Variants in LPCAT1 observed in about 807,000 individuals in gnomAD.
LPCAT1 encodes the protein 1-acylglycerol-3-phosphate O-acyltransferase.
LPCAT1 carries 23 observed loss-of-function variants against 60.9 expected under a neutral mutation model. The ratio of observed to expected loss-of-function variants is 0.38; its 90% confidence interval spans 0.27 to 0.53. LPCAT1 has a LOEUF of 0.53. Among genes scored for constraint, LPCAT1 ranks in the 20% least tolerant of loss-of-function variants. The probability of loss-of-function intolerance (pLI) is 0.82; values close to 1 mark genes in which losing one functional copy is unlikely to be tolerated. For missense variants in LPCAT1, 622 were observed against 723.6 expected (o/e 0.86, Z 1.61); for synonymous variants, 340 against 301.1 (o/e 1.13, Z -1.34).
Position 1,495,332 on chromosome 5 carries a change from G to GC in LPCAT1, c.279-419_279-418insG, listed in dbSNP as rs202145838. Among the ~76,000 whole-genome samples, 10 of 35,514 alleles carry GC rather than the reference G, an allele frequency of 2.8e-4. No homozygotes were observed. The highest frequency in any genetic ancestry group is 8.3e-4 in the African/African-American group (6 of 7,204). The allele number at this position is 35,514 out of a possible 152,430, so 23.3% of individuals were successfully genotyped here. A position where few individuals can be genotyped will look rare whatever the true frequency, so the allele number is the denominator to read the frequency against. ...CACCTAAAACGCATATCGCAATATG[G>GC]GGGGGGGGGCGCTCAGAGCTGAGGG... On this transcript the variant is annotated intron_variant, in intron 2 of 13. Coordinates refer to ENST00000283415, the MANE Select transcript of LPCAT1 (RefSeq NM_024830.5). This position sits in a 1 kb window ranked among gnomAD's most constrained non-coding sequence, Gnocchi z 4.7.
chr5:1,472,790 G>A (rs1474973228), intron 11 of LPCAT1, among the ~76,000 whole-genome samples: 3 of 152,026 alleles, frequency 2.0e-5, no homozygotes, highest in Admixed American at 1.3e-4. Context: ...GAGGGCCCGC[G>A]GCTGGGGGCC....
At chr5:1,492,132 A>C (rs563517191) in intron 3 of LPCAT1, among the ~76,000 whole-genome samples, 8 of 140,202 alleles carry the variant, frequency 5.7e-5, no homozygotes, top group Admixed American at 2.8e-4. Flanking sequence ...AGGGGAGATT[A>C]TCTCTGAGCT....
rs1381211032 is a variant in LPCAT1, at chr5:1,461,570, G to A, written c.*2081C>T. The A allele has an allele frequency of 2.0e-5, 3 of 152,692 alleles. No individual in the cohort carries two copies. The highest frequency in any genetic ancestry group is 4.4e-5 in the Non-Finnish European group (3 of 68,072). The allele number at this position is 152,692 out of a possible 1,614,324, so 9.5% of individuals were successfully genotyped here. A position where few individuals can be genotyped will look rare whatever the true frequency, so the allele number is the denominator to read the frequency against. ...ACCTGCCCACGGGTCTGGCCCCCAG[G>A]CCACCAGGGGCCCGCTGCGTCCTGT... On this transcript the variant is annotated 3_prime_UTR_variant, in exon 14 of 14. Transcript: ENST00000283415.
intron 4 of LPCAT1, among the ~76,000 whole-genome samples, chr5:1,489,290 G>A (rs1430179758): frequency 1.3e-5 from 2 of 152,254 alleles, no homozygotes; most frequent in Non-Finnish European, 2.9e-5. Flanking sequence ...CAGCTGGAAA[G>A]AAGAAAAACA....
chr5:1,466,688 C>T (rs1483104787), intron 13 of LPCAT1, 61 bp downstream of exon 13: 2 of 1,536,054 alleles, frequency 1.3e-6, no homozygotes, highest in Non-Finnish European at 1.8e-6. Context: ...GAGACTCGCC[C>T]CACACTCTGT....
chr5:1,462,540 C>A lies in LPCAT1; in HGVS notation c.*1111G>T, dbSNP rs1734143116. The A allele has an allele frequency of 6.6e-6, 1 of 152,426 alleles. No individual in the cohort carries two copies. The highest frequency in any genetic ancestry group is 6.6e-5 in the Admixed American group (1 of 15,262). The allele number at this position is 152,426 out of a possible 1,614,324, so 9.4% of individuals were successfully genotyped here. A position where few individuals can be genotyped will look rare whatever the true frequency, so the allele number is the denominator to read the frequency against. The stretch of plus-strand genomic sequence containing the variant: ...CTCATCACCCTCCGCACCGCACAGC[C>A]CAGCGTCTCCTTCCACAAGCAAAAG... On this transcript the variant is annotated 3_prime_UTR_variant, in exon 14 of 14. Coordinates refer to ENST00000283415, the MANE Select transcript of LPCAT1 (RefSeq NM_024830.5).
Position 1,461,547 on chromosome 5 carries a change from C to G in LPCAT1, c.*2104G>C, listed in dbSNP as rs1734091803. 1 of 152,694 alleles carries G rather than the reference C, an allele frequency of 6.5e-6. No individual in the cohort carries two copies. The highest frequency in any genetic ancestry group is 2.1e-4 in the South Asian group (1 of 4,834). 9.5% of individuals were successfully genotyped at this position (152,694 alleles called of 1,614,324 possible). A position where few individuals can be genotyped will look rare whatever the true frequency, so the allele number is the denominator to read the frequency against. ...CCGCAGGCCAGGGCCCATGCCCCAC[C>G]TGCCCACGGGTCTGGCCCCCAGGCC... On this transcript the variant is annotated 3_prime_UTR_variant, in exon 14 of 14. Coordinates refer to ENST00000283415, the MANE Select transcript of LPCAT1 (RefSeq NM_024830.5).
In LPCAT1 at chr5:1,522,463, C is replaced by G. The variant is rs139257713; in HGVS notation, c.135+1247G>C. The stretch of plus-strand genomic sequence containing the variant: ...TCCCGACACACAGGGAGACGGGGGC[C>G]AGGGCCTGGGAGCCAGGCTGGGGAC... On this transcript the variant is annotated intron_variant, in intron 1 of 13. Transcript: ENST00000283415. This position sits in a 1 kb window ranked among gnomAD's most constrained non-coding sequence, Gnocchi z 6.8. Among the ~76,000 whole-genome samples, 11 of 152,218 alleles carry G rather than the reference C, an allele frequency of 7.2e-5. No homozygotes were observed. In the East Asian group the frequency reaches 1.9e-3, roughly 27 times the overall value.
intron 1 of LPCAT1, among the ~76,000 whole-genome samples, chr5:1,504,025 C>T (rs745977953): frequency 5.3e-5 from 8 of 152,318 alleles, no homozygotes; most frequent in Non-Finnish European, 1.0e-4. Context: ...TCTGTTGTGA[C>T]CTAATCATAT....
intron 1 of LPCAT1, among the ~76,000 whole-genome samples, chr5:1,515,959 C>T (rs1384433722): frequency 1.3e-5 from 2 of 152,252 alleles, no homozygotes; most frequent in Admixed American, 1.3e-4. Flanking sequence ...CTGACCCCTG[C>T]TCAGCCAGTG....
At position 1,523,248 on chromosome 5, in the gene LPCAT1, C is replaced by T. The variant is rs1736728234; in HGVS notation, c.135+462G>A. ...GCCCGCGGGCCGCGTCCAGGCAAAGCCGCTCCGGAGTCCCCGGGCTGCGCG... is the reference window on the plus strand; with the variant it reads ...GCCCGCGGGCCGCGTCCAGGCAAAGTCGCTCCGGAGTCCCCGGGCTGCGCG... On this transcript the variant is annotated intron_variant, in intron 1 of 13. Coordinates refer to ENST00000283415, the MANE Select transcript of LPCAT1 (RefSeq NM_024830.5). The surrounding 1 kb of genome is among the most constrained non-coding windows in gnomAD (Gnocchi z 7.1). Among the ~76,000 whole-genome samples, 1 of 152,000 alleles carries T rather than the reference C, an allele frequency of 6.6e-6. No homozygotes were observed. Among genetic ancestry groups the T allele is most frequent in the Admixed American group, 6.6e-5 (1 of 15,262 alleles).
chr5:1,465,278 ACACACG>A (rs1734320673), intron 13 of LPCAT1, among the ~76,000 whole-genome samples: 2 of 140,436 alleles, frequency 1.4e-5, no homozygotes, highest in South Asian at 4.7e-4. Flanking sequence ...ATGCACACAC[ACACACG>A]CACGGTACTA....
intron 3 of LPCAT1, among the ~76,000 whole-genome samples, chr5:1,493,640 C>T (rs934296395): frequency 1.3e-5 from 2 of 152,158 alleles, no homozygotes; most frequent in East Asian, 1.9e-4. Flanking sequence ...GAAGGAAGCA[C>T]GAGGACAGAA....
In LPCAT1 at chr5:1,475,065, T is replaced by C. The variant is rs538500572; in HGVS notation, c.900-380A>G. 9.8e-4 allele frequency among the ~76,000 whole-genome samples: 150 copies of C among 152,292 alleles called. 3 individuals carry two copies. In the South Asian group the frequency reaches 0.028, roughly 29 times the overall value. On this transcript the variant is annotated intron_variant, in intron 9 of 13. Transcript: ENST00000283415. ...TCACAGTGCTGGAAAACGGTGCTAA[T>C]AGGCTTGCTCAACACAGGGTTGCCA... is the stretch of plus-strand genomic sequence containing the variant.
At chr5:1,506,498 C>T (rs993343114) in intron 1 of LPCAT1, among the ~76,000 whole-genome samples, 1 of 152,248 alleles carries the variant, frequency 6.6e-6, no homozygotes, top group Non-Finnish European at 1.5e-5. Context: ...ATTCCTCATG[C>T]CCCCACGCCC....
intron 2 of LPCAT1, 28 bp downstream of exon 2, chr5:1,501,433 A>T: frequency 6.3e-7 from 1 of 1,587,034 alleles, no homozygotes; most frequent in Non-Finnish European, 8.6e-7. Context: ...CCCCCCCAGG[A>T]GGAGAGCACG....
At chr5:1,520,273 A>G (rs1560999045) in intron 1 of LPCAT1, among the ~76,000 whole-genome samples, 2 of 152,252 alleles carry the variant, frequency 1.3e-5, no homozygotes, top group Non-Finnish European at 2.9e-5. Context: ...TTTTTAAAAA[A>G]TCACAACTCA....
At chr5:1,468,765 C>T (rs1417968882) in intron 12 of LPCAT1, among the ~76,000 whole-genome samples, 4 of 152,394 alleles carry the variant, frequency 2.6e-5, no homozygotes, top group Non-Finnish European at 5.9e-5. Context: ...TGAGCACCGG[C>T]GTGTGCCTCT....
In LPCAT1 at chr5:1,467,971, G is replaced by T. The variant is rs541079920; in HGVS notation, c.1279-1081C>A. Reference sequence around the variant, plus strand: ...TCCTGCTGCAGCGCGCTGTGATCTTGTGAGCGTTTGCTCCACCCTCCGAGA... The same window carrying T: ...TCCTGCTGCAGCGCGCTGTGATCTTTTGAGCGTTTGCTCCACCCTCCGAGA... On this transcript the variant is annotated intron_variant, in intron 12 of 13. Coordinates refer to ENST00000283415, the MANE Select transcript of LPCAT1 (RefSeq NM_024830.5). 8.1e-4 allele frequency among the ~76,000 whole-genome samples: 123 copies of T among 152,264 alleles called. 1 individual carries two copies. Among genetic ancestry groups the T allele is most frequent in the African/African-American group, 2.9e-3 (119 of 41,562 alleles).
Sources: gnomAD v4.1 joint callset for allele counts (sites outside exome capture counted in the v4.1 genomes callset) on GRCh38, gnomAD v4.1.1 for gene constraint, Gnocchi (gnomAD v3.1) non-coding constraint, MANE v1.5 for transcripts, NCBI Gene and HGNC (gene_info 2026-07-23, HGNC 2026-07-21) for gene names.